The following PFN4 variants were observed in gnomAD, a reference collection of about 807,000 sequenced individuals.
The protein encoded by PFN4 is profilin-4.
A neutral mutation model predicts 16.3 loss-of-function variants in PFN4; 10 were observed. That is an observed-to-expected ratio of 0.61 (90% CI 0.38 to 1.04). The LOEUF (loss-of-function observed/expected upper bound fraction) is 1.04, where lower values mean the gene tolerates loss of function less well. PFN4 is among the 50% of genes least tolerant of loss of function. The probability of loss-of-function intolerance (pLI) is 0.01; values close to 1 mark genes in which losing one functional copy is unlikely to be tolerated. For synonymous variants in PFN4, 54 were observed against 56.9 expected (o/e 0.95, Z 0.23); for missense variants, 136 against 153.6 (o/e 0.89, Z 0.61).
chr2:24,120,940 A>C (rs1277480828), intron 3 of PFN4, among the ~76,000 whole-genome samples: 1 of 151,846 alleles, frequency 6.6e-6, no homozygotes, highest in Non-Finnish European at 1.5e-5. Context: ...GAGTTCAGGC[A>C]AGGCTCAGTT....
chr2:24,118,461 C>T (rs912193175), intron 4 of PFN4, among the ~76,000 whole-genome samples: 10 of 152,180 alleles, frequency 6.6e-5, no homozygotes, highest in Admixed American at 4.6e-4. Context: ...CAAACATGTA[C>T]TAATTGCCTA....
At chr2:24,117,674 C>T (rs891526697) in intron 4 of PFN4, among the ~76,000 whole-genome samples, 2 of 151,862 alleles carry the variant, frequency 1.3e-5, no homozygotes, top group Non-Finnish European at 2.9e-5. Context: ...AACTCCTGAC[C>T]TCAAGTGATA....
At chr2:24,120,921 T>C (rs1271992203) in intron 3 of PFN4, among the ~76,000 whole-genome samples, 2 of 151,760 alleles carry the variant, frequency 1.3e-5, no homozygotes, top group Non-Finnish European at 2.9e-5. Flanking sequence ...GGTGGGACTG[T>C]ATTGGAAAGA....
At chr2:24,121,010 T>A (rs967412209) in intron 3 of PFN4, among the ~76,000 whole-genome samples, 153 bp downstream of exon 3, 12 of 152,146 alleles carry the variant, frequency 7.9e-5, no homozygotes, top group Admixed American at 4.6e-4. Context: ...TTCTTTCACA[T>A]ATGTCTTCCT....
Position 24,121,190 on chromosome 2 carries a change from T to A in PFN4, c.228A>T (p.Ala76=), listed in dbSNP as rs33913065. 250 of 1,613,994 alleles carry A rather than the reference T, an allele frequency of 1.5e-4. No individual in the cohort carries two copies. The highest frequency in any genetic ancestry group is 1.9e-4 in the Non-Finnish European group (220 of 1,179,996). Residue 76 remains alanine, a synonymous_variant, in exon 3 of 5, where the codon GCA becomes GCT. Transcript: ENST00000313213. Reference sequence around the variant, plus strand: ...TTTTGGCATAAAGAGAATATTCATCTGCCCGGACACATCTGTAATCTTTTC... The same window carrying A: ...TTTTGGCATAAAGAGAATATTCATCAGCCCGGACACATCTGTAATCTTTTC... ...FKGKDYRCVR[A]DEYSLYAKNE...
chr2:24,119,472 T>C (rs1018561200), intron 4 of PFN4, 105 bp downstream of exon 4: 18 of 762,098 alleles, frequency 2.4e-5, no homozygotes, highest in Non-Finnish European at 3.0e-5. Flanking sequence ...TTCCAATAAA[T>C]TCCTCCTTTC....
chr2:24,121,693 A>G (rs1263986943), intron 2 of PFN4, among the ~76,000 whole-genome samples: 1 of 152,020 alleles, frequency 6.6e-6, no homozygotes, highest in African/African-American at 2.4e-5. Flanking sequence ...GAATAGACTG[A>G]TGCCCTCCCT....
intron 1 of PFN4, 27 bp from the exon 2 acceptor site, chr2:24,122,574 A>G: frequency 7.1e-7 from 1 of 1,413,916 alleles, no homozygotes; most frequent in Non-Finnish European, 1.0e-6. Flanking sequence ...AGTTGAAGCC[A>G]TTGACTCTGG....
Position 24,123,321 on chromosome 2 carries a change from G to T in PFN4, c.-216C>A, listed in dbSNP as rs560237483. 1 of 152,352 alleles carries T rather than the reference G, an allele frequency of 6.6e-6. No individual in the cohort carries two copies. The highest frequency in any genetic ancestry group is 1.9e-4 in the East Asian group (1 of 5,166). 9.4% of individuals were successfully genotyped at this position (152,352 alleles called of 1,614,324 possible). A position where few individuals can be genotyped will look rare whatever the true frequency, so the allele number is the denominator to read the frequency against. ...CAACGGACGCGGTTGCGGGTGGGTG[G>T]CGGCGGCAGGATTGGCCGGGCCACG... On this transcript the variant is annotated 5_prime_UTR_variant, in exon 1 of 5. Coordinates refer to ENST00000313213, the MANE Select transcript of PFN4 (RefSeq NM_199346.3).
chr2:24,120,222 T>C (rs1666060747), intron 3 of PFN4, among the ~76,000 whole-genome samples: 1 of 151,756 alleles, frequency 6.6e-6, no homozygotes, highest in Non-Finnish European at 1.5e-5. Context: ...TGAGCCGAGA[T>C]CGTGCCATTG....
At position 24,114,917 on chromosome 2, in the gene PFN4, G is replaced by A. The variant is rs1053627844; in HGVS notation, c.*666C>T. On this transcript the variant is annotated 3_prime_UTR_variant, in exon 5 of 5. Transcript: ENST00000313213. The stretch of plus-strand genomic sequence containing the variant: ...TAGGGTTAGAGTCAGAAATCTTTTT[G>A]AGTTGATTTTTGAGAAGGCCTTTCC... 2.6e-5 allele frequency among the ~76,000 whole-genome samples: 4 copies of A among 152,160 alleles called. No individual in the cohort carries two copies. The highest frequency in any genetic ancestry group is 6.5e-5 in the Admixed American group (1 of 15,286).
At chr2:24,120,313 GATGTA>G (rs946180371) in intron 3 of PFN4, among the ~76,000 whole-genome samples, 6 of 151,900 alleles carry the variant, frequency 3.9e-5, no homozygotes, top group African/African-American at 1.5e-4. Context: ...AAACAAAACT[GATGTA>G]ATGGAAAGGT....
intron 2 of PFN4, among the ~76,000 whole-genome samples, chr2:24,121,794 C>T (rs1666127507): frequency 6.6e-6 from 1 of 152,184 alleles, no homozygotes; most frequent in African/African-American, 2.4e-5. Flanking sequence ...CTTGCTCTCT[C>T]TTGCTTCCTC....
rs1034078774 is a variant in PFN4 at position 24,119,491 on chromosome 2, C to T, written c.361+86G>A. 2.3e-5 allele frequency: 21 copies of T among 929,238 alleles called. No homozygotes were observed. The Admixed American group carries it at 4.7e-4, about 21-fold the overall frequency. The allele number at this position is 929,238 out of a possible 1,614,324, so 57.6% of individuals were successfully genotyped here. On this transcript the variant is annotated intron_variant, in intron 4 of 4. Coordinates refer to ENST00000313213, the MANE Select transcript of PFN4 (RefSeq NM_199346.3). ...AATAAATTCCTCCTTTCTGCCCTAGCTGGTTTGAGTTGGATCTCTGTTACT... is the reference window on the plus strand; with the variant it reads ...AATAAATTCCTCCTTTCTGCCCTAGTTGGTTTGAGTTGGATCTCTGTTACT...
At chr2:24,115,894 T>A (rs1358142587) in intron 4 of PFN4, among the ~76,000 whole-genome samples, 1 of 129,322 alleles carries the variant, frequency 7.7e-6, no homozygotes, top group Admixed American at 8.9e-5. Context: ...GGAGTATGAA[T>A]TGGGTTCCCA....
chr2:24,115,351 A>G lies in PFN4; in HGVS notation c.*232T>C. ...CCCAATAGATATGCTCTGTGAAATG[A>G]TCAGTGCTCTCTCATTCCATGCCGA... On this transcript the variant is annotated 3_prime_UTR_variant, in exon 5 of 5. Coordinates refer to ENST00000313213, the MANE Select transcript of PFN4 (RefSeq NM_199346.3). 1 of 526,074 alleles carries G rather than the reference A, an allele frequency of 1.9e-6. No homozygotes were observed. Among genetic ancestry groups the G allele is most frequent in the Non-Finnish European group, 3.4e-6 (1 of 292,014 alleles). The allele number at this position is 526,074 out of a possible 1,614,324, so 32.6% of individuals were successfully genotyped here. A position where few individuals can be genotyped will look rare whatever the true frequency, so the allele number is the denominator to read the frequency against.
At chr2:24,120,629 C>T (rs1666081893) in intron 3 of PFN4, among the ~76,000 whole-genome samples, 1 of 152,070 alleles carries the variant, frequency 6.6e-6, no homozygotes, top group Admixed American at 6.6e-5. Flanking sequence ...GATCTCGGCT[C>T]ACTGCAACCT....
In PFN4 at chr2:24,115,083, C is replaced by T. The variant is rs994072369; in HGVS notation, c.*500G>A. 6.6e-6 allele frequency among the ~76,000 whole-genome samples: 1 copy of T among 152,180 alleles called. No homozygotes were observed. Among genetic ancestry groups the T allele is most frequent in the Non-Finnish European group, 1.5e-5 (1 of 68,036 alleles). On this transcript the variant is annotated 3_prime_UTR_variant, in exon 5 of 5. Transcript: ENST00000313213. ...GGGGTGATGTGAGCCAGACAGATGT[C>T]ACACATGCAGGGAGTTGTATTACAG...
rs1665877697 is a variant in PFN4, at chr2:24,115,263, C to A, written c.*320G>T. 1 of 279,998 alleles carries A rather than the reference C, an allele frequency of 3.6e-6. No individual in the cohort carries two copies. The highest frequency in any genetic ancestry group is 6.9e-6 in the Non-Finnish European group (1 of 145,622). The allele number at this position is 279,998 out of a possible 1,614,324, so 17.3% of individuals were successfully genotyped here. ...GTCTTGGATAAAGAGTGGTGAGAGC[C>A]TTGCATTCTTGGCATACTTAGCAAG... is the stretch of plus-strand genomic sequence containing the variant. On this transcript the variant is annotated 3_prime_UTR_variant, in exon 5 of 5. Transcript: ENST00000313213.
Sources: allele counts gnomAD v4.1 joint callset (sites outside exome capture counted in the v4.1 genomes callset), GRCh38; gene constraint gnomAD v4.1.1; transcripts MANE v1.5; gene names NCBI Gene and HGNC (gene_info 2026-07-23, HGNC 2026-07-21).